NELFA: variants seen among roughly 807,000 people sequenced by gnomAD.
NELFA encodes the protein negative elongation factor A.
NELFA carries 35 observed loss-of-function variants against 51.8 expected under a neutral mutation model. That is an observed-to-expected ratio of 0.68 (90% CI 0.52 to 0.90). NELFA has a LOEUF of 0.90. Among genes scored for constraint, NELFA ranks in the 40% least tolerant of loss-of-function variants. The probability of loss-of-function intolerance (pLI) is 0.00; values close to 1 mark genes in which losing one functional copy is unlikely to be tolerated. For missense variants in NELFA, 658 were observed against 746.4 expected (o/e 0.88, Z 1.38); for synonymous variants, 417 against 338.4 (o/e 1.23, Z -2.55).
At chr4:1,984,185 G>A in intron 8 of NELFA, 72 bp from the exon 9 acceptor site, 2 of 1,420,918 alleles carry the variant, frequency 1.4e-6, no homozygotes, top group Non-Finnish European at 1.8e-6. Flanking sequence ...GCTCCTGGAG[G>A]TGACAGGCTC....
chr4:2,008,207 G>C (rs760211443), intron 1 of NELFA, among the ~76,000 whole-genome samples: 20 of 152,170 alleles, frequency 1.3e-4, no homozygotes, highest in Non-Finnish European at 2.4e-4. Context: ...GACCCCGCTG[G>C]GGCCGGCGCA....
chr4:2,008,777 C>G lies in NELFA; in HGVS notation c.183G>C (p.Leu61=). The change falls in exon 1 of 11, where the codon CTG becomes CTC. Residue 61 remains leucine (L), a synonymous_variant. Transcript: ENST00000382882. ...AVKLKLLLGT[L]HLPRRTVDEM... is the part of the protein sequence containing the mutation. ...CGTCCACCGTGCGGCGCGGGAGGTG[C>G]AGCGTCCCGAGTAGCAACTTGAGCT... 2 of 1,611,528 alleles carry G rather than the reference C, an allele frequency of 1.2e-6. 1 individual carries two copies. The highest frequency in any genetic ancestry group is 3.3e-4 in the Middle Eastern group (2 of 6,054).
chr4:1,990,324 T>C lies in NELFA; in HGVS notation c.383-455A>G, dbSNP rs867003983. The C allele has an allele frequency of 9.0e-6, 4 of 446,742 alleles. No homozygotes were observed. The Middle Eastern group carries it at 1.3e-3, about 148-fold the overall frequency. 27.7% of individuals were successfully genotyped at this position (446,742 alleles called of 1,614,324 possible). On this transcript the variant is annotated intron_variant, in intron 2 of 10. Transcript: ENST00000382882. Reference sequence around the variant, plus strand: ...CCTCATCCAAACTGCCCACATCCATTTCCTCAGCCTGTGTGCTCACCCACG... The same window carrying C: ...CCTCATCCAAACTGCCCACATCCATCTCCTCAGCCTGTGTGCTCACCCACG...
chr4:1,992,213 C>G (rs1158392776), intron 1 of NELFA: 1 of 228,862 alleles, frequency 4.4e-6, no homozygotes, highest in African/African-American at 2.4e-5. Context: ...GGGGCAGCAC[C>G]CGTGACAGCT....
At chr4:1,986,767 T>G (rs1240488449) in intron 4 of NELFA, among the ~76,000 whole-genome samples, 1 of 3,796 alleles carries the variant, frequency 2.6e-4, no homozygotes, top group Non-Finnish European at 1.4e-3. Flanking sequence ...CTCCCAAGCC[T>G]TCTCCCCGTC....
Position 1,986,321 on chromosome 4 carries a change from G to T in NELFA, c.716C>A (p.Thr239Asn), listed in dbSNP as rs779957545. ...CAGCGTCCTGGAAGGCGGGATGGGGGTCCGGTTCCCTGTGGGGCTGAAGAC... is the reference window on the plus strand; with the variant it reads ...CAGCGTCCTGGAAGGCGGGATGGGGTTCCGGTTCCCTGTGGGGCTGAAGAC... ...PSVFSPTGNR[T>N]PIPPSRTLLR... is the part of the protein sequence containing the mutation. The change falls in exon 5 of 11, where the codon ACC becomes AAC. Residue 239 changes from threonine to asparagine, a missense_variant. Coordinates refer to ENST00000382882, the MANE Select transcript of NELFA (RefSeq NM_005663.5). The T allele has an allele frequency of 2.4e-5, 39 of 1,596,272 alleles. No individual in the cohort carries two copies. Among genetic ancestry groups the T allele is most frequent in the Non-Finnish European group, 3.2e-5 (37 of 1,171,784 alleles).
intron 2 of NELFA, chr4:1,990,551 G>C: frequency 2.2e-6 from 1 of 456,272 alleles, no homozygotes; most frequent in South Asian, 1.5e-5. Context: ...CATCTGTGTG[G>C]TGTGTGTGAC....
At position 1,992,942 on chromosome 4, in the gene NELFA, G is replaced by A. The variant is rs1030211537; in HGVS notation, c.211-1227C>T. ...GGGCAACCAGGGAGGGTGTCGCCCC[G>A]GCCGCTGACCCTGCGCCCCGGGCCC... On this transcript the variant is annotated intron_variant, in intron 1 of 10. Transcript: ENST00000382882. Among the ~76,000 whole-genome samples, 7 of 152,288 alleles carry A rather than the reference G, an allele frequency of 4.6e-5. No homozygotes were observed. The South Asian group carries it at 1.2e-3, about 27-fold the overall frequency.
chr4:1,997,357 C>T (rs1396810345), intron 1 of NELFA, among the ~76,000 whole-genome samples: 1 of 152,238 alleles, frequency 6.6e-6, no homozygotes, highest in Non-Finnish European at 1.5e-5. Context: ...GTAAGTAAAA[C>T]TACAGGTCAA....
intron 2 of NELFA, chr4:1,990,444 T>TGA (rs1357947660): frequency 2.2e-6 from 1 of 456,592 alleles, no homozygotes; most frequent in Non-Finnish European, 4.4e-6. Flanking sequence ...GGCAGGCACA[T>TGA]GAGAGTTCAC....
In NELFA at chr4:1,991,722, A is replaced by G. The variant is rs2109059877; in HGVS notation, c.211-7T>C. The G allele has an allele frequency of 3.8e-6, 6 of 1,582,940 alleles. No individual in the cohort carries two copies. Among genetic ancestry groups the G allele is most frequent in the Non-Finnish European group, 5.1e-6 (6 of 1,165,940 alleles). On this transcript the variant is annotated splice_polypyrimidine_tract_variant and splice_region_variant and intron_variant, in intron 1 of 10. Transcript: ENST00000382882. ...CCATTAGGGCGCCCTTCATCTGCAA[A>G]ATAGGATGCTGCCGGCGCCACCATG...
intron 1 of NELFA, among the ~76,000 whole-genome samples, chr4:2,005,906 T>C (rs1326733752): frequency 6.6e-6 from 1 of 152,034 alleles, no homozygotes; most frequent in African/African-American, 2.4e-5. Context: ...GGATGCAATA[T>C]AAAGAGGACA....
rs776937399 is a variant in NELFA, at chr4:1,984,102, G to A, written c.1048C>T (p.Arg350Trp). The change falls in exon 9 of 11, where the codon CGG becomes TGG. Residue 350 changes from arginine to tryptophan, a missense_variant. Arg to Trp is a moderately radical substitution (Grantham distance 101). Transcript: ENST00000382882. ...SSETPPAPSS[R>W]EASRPPEEPS... is the part of the protein sequence containing the mutation. ...TCCTCTGGTGGGCGGCTGGCTTCCC[G>A]GGAAGATGGGGCTGCAAGTAGACCG... 28 of 1,566,944 alleles carry A rather than the reference G, an allele frequency of 1.8e-5. No homozygotes were observed. Among genetic ancestry groups the A allele is most frequent in the Admixed American group, 7.4e-5 (4 of 54,362 alleles).
At chr4:1,994,845 T>C (rs980423591) in intron 1 of NELFA, among the ~76,000 whole-genome samples, 14 of 139,702 alleles carry the variant, frequency 1.0e-4, no homozygotes, top group Non-Finnish European at 1.5e-4. Context: ...TGAGACTCCG[T>C]CTCAAAAAAA....
In NELFA at chr4:1,989,974, G is replaced by T; in HGVS notation, c.383-105C>A. The stretch of plus-strand genomic sequence containing the variant: ...CCCACACCCTCCTCAGTTAGGGTTA[G>T]GTCATGGGAGCTTCGGCTGTCCCCT... On this transcript the variant is annotated intron_variant, in intron 2 of 10. Transcript: ENST00000382882. This position sits in a 1 kb window ranked among gnomAD's most constrained non-coding sequence, Gnocchi z 4.8. The T allele has an allele frequency of 7.2e-7, 1 of 1,388,400 alleles. No homozygotes were observed. Among genetic ancestry groups the T allele is most frequent in the Non-Finnish European group, 9.8e-7 (1 of 1,022,754 alleles). The allele number at this position is 1,388,400 out of a possible 1,614,324, so 86.0% of individuals were successfully genotyped here.
chr4:2,006,420 G>C (rs1728711420), intron 1 of NELFA, among the ~76,000 whole-genome samples: 1 of 152,184 alleles, frequency 6.6e-6, no homozygotes, highest in African/African-American at 2.4e-5. Context: ...ACCAATGATA[G>C]TGGGCGGATG....
chr4:1,983,235 G>A lies in NELFA; in HGVS notation c.*84C>T, dbSNP rs1727948455. On this transcript the variant is annotated 3_prime_UTR_variant, in exon 11 of 11. Transcript: ENST00000382882. ...GGCCGGGGGACCTCGGGGGCCAGGTGTCCGCCATCCGGTTACTTTAAGCTG... is the reference window on the plus strand; with the variant it reads ...GGCCGGGGGACCTCGGGGGCCAGGTATCCGCCATCCGGTTACTTTAAGCTG... 1.4e-6 allele frequency: 2 copies of A among 1,437,084 alleles called. No individual in the cohort carries two copies. Among genetic ancestry groups the A allele is most frequent in the Non-Finnish European group, 1.9e-6 (2 of 1,056,284 alleles). The allele number at this position is 1,437,084 out of a possible 1,614,324, so 89.0% of individuals were successfully genotyped here. A position where few individuals can be genotyped will look rare whatever the true frequency, so the allele number is the denominator to read the frequency against.
In NELFA at chr4:2,008,867, G is replaced by T. The variant is rs1728787442; in HGVS notation, c.93C>A (p.Ser31=). The stretch of plus-strand genomic sequence containing the variant: ...TGTCGATGACCGCGGCCGTGAGCAG[G>T]GACGCGATGCTGGGCGGCGCCCACA... ...DELWAPPSIA[S]LLTAAVIDNI... Residue 31 remains serine (S), a synonymous_variant, in exon 1 of 11, where the codon TCC becomes TCA. Transcript: ENST00000382882. 6.2e-7 allele frequency: 1 copy of T among 1,602,678 alleles called. No homozygotes were observed. Among genetic ancestry groups the T allele is most frequent in the Non-Finnish European group, 8.5e-7 (1 of 1,175,632 alleles).
Position 1,982,740 on chromosome 4 carries a change from G to A in NELFA, c.*579C>T, listed in dbSNP as rs1209172334. On this transcript the variant is annotated 3_prime_UTR_variant, in exon 11 of 11. Transcript: ENST00000382882. ...ATGGTGGCTTTCTTTAGAAAAGCTCGACTTTAATGGTTCAGATAGTTTTAC... is the reference window on the plus strand; with the variant it reads ...ATGGTGGCTTTCTTTAGAAAAGCTCAACTTTAATGGTTCAGATAGTTTTAC... 6 of 152,454 alleles carry A rather than the reference G, an allele frequency of 3.9e-5. No individual in the cohort carries two copies. Among genetic ancestry groups the A allele is most frequent in the South Asian group, 2.1e-4 (1 of 4,834 alleles). 9.4% of individuals were successfully genotyped at this position (152,454 alleles called of 1,614,324 possible).
Sources: gnomAD v4.1 joint callset for allele counts (sites outside exome capture counted in the v4.1 genomes callset) on GRCh38, gnomAD v4.1.1 for gene constraint, Gnocchi (gnomAD v3.1) non-coding constraint, MANE v1.5 for transcripts, NCBI Gene and HGNC (gene_info 2026-07-23, HGNC 2026-07-21) for gene names.